BCAR3: variants seen among roughly 807,000 people sequenced by gnomAD.
The protein encoded by BCAR3 is breast cancer anti-estrogen resistance protein 3.
Under a neutral mutation model 80.1 loss-of-function variants are expected in BCAR3, and 37 were observed. The observed-to-expected ratio is 0.46, with a 90% confidence interval of 0.36 to 0.61. The LOEUF is 0.61. Ranked by LOEUF, BCAR3 falls within the 20% of genes least tolerant of loss-of-function variation. The probability of loss-of-function intolerance (pLI) is 0.00; values close to 1 mark genes in which losing one functional copy is unlikely to be tolerated. For synonymous variants in BCAR3, 389 were observed against 418.9 expected, an observed-to-expected ratio of 0.93 and a Z score of 0.87; for missense variants, 978 against 1,068.2, an observed-to-expected ratio of 0.92 and a Z score of 1.18.
intron 2 of BCAR3, chr1:93,754,077 T>C (rs529047385): frequency 6.6e-6 from 1 of 152,364 alleles, no homozygotes; most frequent in South Asian, 2.1e-4. Flanking sequence ...AAATGCTTAT[T>C]GAACTTAAAA....
intron 2 of BCAR3, among the ~76,000 whole-genome samples, chr1:93,790,731 C>G (rs1446532721): frequency 8.8e-6 from 1 of 113,034 alleles, no homozygotes; most frequent in Admixed American, 1.0e-4. Flanking sequence ...TATACATGTG[C>G]CATGCTGGTG....
rs532710061 is a variant in BCAR3 at position 93,644,356 on chromosome 1, A to G, written c.318-2013T>C. Among the ~76,000 whole-genome samples, 36 of 152,288 alleles carry G rather than the reference A, an allele frequency of 2.4e-4. 1 individual carries two copies. The highest frequency in any genetic ancestry group is 3.4e-3 in the Middle Eastern group (1 of 294). On this transcript the variant is annotated intron_variant, in intron 2 of 11. Coordinates refer to ENST00000260502, the MANE Select transcript of BCAR3 (RefSeq NM_003567.4). ...CACAATCTTTTATCTTAACCTGAAC[A>G]TTTCCTTTCTATCAATCCCCAGTCT...
rs143793582 is a variant in BCAR3, at chr1:93,592,848, C to T, written c.358-455G>A. Among the ~76,000 whole-genome samples, 3 of 152,332 alleles carry T rather than the reference C, an allele frequency of 2.0e-5. No individual in the cohort carries two copies. In the East Asian group the frequency reaches 5.8e-4, roughly 29 times the overall value. ...CAAAGCACAGTCCTTGGGCTGGTAG[C>T]GATGGCCCTAACTTCTTTGCTGTTG... is the stretch of plus-strand genomic sequence containing the variant. On this transcript the variant is annotated intron_variant, in intron 3 of 11. Coordinates refer to ENST00000260502, the MANE Select transcript of BCAR3 (RefSeq NM_003567.4). The surrounding 1 kb of genome is among the most constrained non-coding windows in gnomAD (Gnocchi z 4.8).
chr1:93,585,517 C>T (rs977166600), intron 5 of BCAR3, among the ~76,000 whole-genome samples: 3 of 152,150 alleles, frequency 2.0e-5, no homozygotes, highest in Admixed American at 2.0e-4. Context: ...AACTAGGAGG[C>T]CTTCCCTGCA....
rs79674819 is a variant in BCAR3 at position 93,711,396 on chromosome 1, T to C, written c.-62-5254A>G. ...TGAAAGTGAAAGGGCCATGTGTCTG[T>C]CATTATTCAGCCAGCTAGCCTGGGG... On this transcript the variant is annotated intron_variant, in intron 2 of 13. Transcript: ENST00000370244. Among the ~76,000 whole-genome samples, 1,323 of 152,312 alleles carry C rather than the reference T, an allele frequency of 8.7e-3. 19 individuals are homozygous for C. The highest frequency in any genetic ancestry group is 0.031 in the African/African-American group (1,281 of 41,552).
intron 9 of BCAR3, 145 bp from the exon 10 acceptor site, chr1:93,567,996 G>C: frequency 1.7e-6 from 1 of 593,530 alleles, no homozygotes; most frequent in Non-Finnish European, 3.0e-6. Flanking sequence ...AGACCAGTCT[G>C]GCCAGTATGG....
chr1:93,563,991 G>A (rs1381902138), intron 11 of BCAR3, among the ~76,000 whole-genome samples: 1 of 151,958 alleles, frequency 6.6e-6, no homozygotes, highest in Admixed American at 6.6e-5. Context: ...ACCGTGCCTG[G>A]CCTATCATTC....
At position 93,702,706 on chromosome 1, in the gene BCAR3, C is replaced by T. The variant is rs143398348; in HGVS notation, c.-12+3386G>A. The stretch of plus-strand genomic sequence containing the variant: ...CCAGCCCTCTTTGGAAACCGCACAC[C>T]GCCCAGTGGCATGGAACAGGCCAGG... On this transcript the variant is annotated intron_variant, in intron 3 of 13. Transcript: ENST00000370244. 5.3e-5 allele frequency among the ~76,000 whole-genome samples: 8 copies of T among 152,336 alleles called. No homozygotes were observed. The South Asian group carries it at 6.2e-4, about 12-fold the overall frequency.
At chr1:93,662,971 C>G (rs1318725701) in intron 2 of BCAR3, among the ~76,000 whole-genome samples, 1 of 152,092 alleles carries the variant, frequency 6.6e-6, no homozygotes, top group African/African-American at 2.4e-5. Context: ...ATTCCTCCAA[C>G]ATCACATGAT....
chr1:93,831,059 G>A (rs1035795014), intron 2 of BCAR3, among the ~76,000 whole-genome samples: 1 of 152,162 alleles, frequency 6.6e-6, no homozygotes, highest in Non-Finnish European at 1.5e-5. Flanking sequence ...GGCGGTCACA[G>A]ACTCAGGAAG....
intron 2 of BCAR3, among the ~76,000 whole-genome samples, chr1:93,804,794 T>C (rs534385993): frequency 4.6e-5 from 7 of 152,364 alleles, no homozygotes; most frequent in Non-Finnish European, 1.0e-4. Context: ...TGTTTATCCA[T>C]TCATCAGTTG....
At chr1:93,680,837 G>C (rs1405977422) in intron 1 of BCAR3, among the ~76,000 whole-genome samples, 1 of 152,120 alleles carries the variant, frequency 6.6e-6, no homozygotes, top group Admixed American at 6.5e-5. Flanking sequence ...TCCTCGACGA[G>C]TGTCTACACC....
At chr1:93,666,338 T>C (rs1026929295) in intron 2 of BCAR3, among the ~76,000 whole-genome samples, 10 of 152,228 alleles carry the variant, frequency 6.6e-5, no homozygotes, top group Non-Finnish European at 1.3e-4. Flanking sequence ...TTCAAAGACA[T>C]TATTTCAACA....
chr1:93,823,497 A>G (rs12408971), intron 2 of BCAR3, among the ~76,000 whole-genome samples: 17,775 of 132,626 alleles, frequency 0.13, 4,313 homozygotes, highest in East Asian at 0.38. Context: ...GGGATTATTG[A>G]CTATTTTGGA....
At chr1:93,583,073 TCA>T in intron 6 of BCAR3, 120 bp from the exon 7 acceptor site, 1 of 1,212,430 alleles carries the variant, frequency 8.2e-7, no homozygotes, top group Non-Finnish European at 1.1e-6. Flanking sequence ...ATTTTCATTT[TCA>T]TTTCCAAAAG....
chr1:93,751,205 C>G (rs1651546175), intron 2 of BCAR3, among the ~76,000 whole-genome samples: 2 of 152,120 alleles, frequency 1.3e-5, no homozygotes, highest in Admixed American at 1.3e-4. Flanking sequence ...GAGGAAGTGG[C>G]AGAGCTGGGG....
chr1:93,739,834 A>T (rs1339315147), intron 2 of BCAR3, among the ~76,000 whole-genome samples: 2 of 152,174 alleles, frequency 1.3e-5, no homozygotes, highest in Non-Finnish European at 2.9e-5. Context: ...CAGGAGTTTG[A>T]GACTAGCCTG....
At chr1:93,699,505 G>A (rs1342150885) in intron 3 of BCAR3, among the ~76,000 whole-genome samples, 2 of 152,250 alleles carry the variant, frequency 1.3e-5, no homozygotes, top group East Asian at 1.9e-4. Context: ...ACCTTGTTGC[G>A]GGGGCGGGGG....
At chr1:93,827,809 A>T (rs1358832395) in intron 2 of BCAR3, among the ~76,000 whole-genome samples, 1 of 152,066 alleles carries the variant, frequency 6.6e-6, no homozygotes, top group Non-Finnish European at 1.5e-5. Flanking sequence ...AGTGATGGAC[A>T]GTGTTGGGGC....
Sources: allele counts gnomAD v4.1 joint callset (sites outside exome capture counted in the v4.1 genomes callset), GRCh38; gene constraint gnomAD v4.1.1; non-coding constraint Gnocchi (gnomAD v3.1); transcripts MANE v1.5; gene names NCBI Gene and HGNC (gene_info 2026-07-23, HGNC 2026-07-21).